Variants in PTPN3 observed in about 807,000 individuals in gnomAD.
PTPN3 encodes tyrosine-protein phosphatase non-receptor type 3.
PTPN3 carries 96 observed loss-of-function variants against 132.7 expected under a neutral mutation model. The observed-to-expected ratio is 0.72, with a 90% CI of 0.61 to 0.86. The LOEUF is 0.86. PTPN3 is among the 40% of genes least tolerant of loss of function. PTPN3 has a pLI of 0.00. For synonymous variants in PTPN3, 398 were observed against 429.0 expected (o/e 0.93, Z 0.89); for missense variants, 1,125 against 1,159.6 (o/e 0.97, Z 0.43).
intron 1 of PTPN3, among the ~76,000 whole-genome samples, chr9:109,489,232 A>T (rs1016428612): frequency 7.2e-5 from 11 of 152,188 alleles, no homozygotes; most frequent in African/African-American, 2.7e-4. Flanking sequence ...AGACTCTGCC[A>T]GTCCTTGTGG....
Position 109,473,619 on chromosome 9 carries a change from G to C in PTPN3, c.-17-10168C>G, listed in dbSNP as rs548828916. Reference sequence around the variant, plus strand: ...CCAATCTCTTAAGTGCCATGAGCTGGGTTTTCAGTGTTGTGATGAGAAGCT... The same window carrying C: ...CCAATCTCTTAAGTGCCATGAGCTGCGTTTTCAGTGTTGTGATGAGAAGCT... On this transcript the variant is annotated intron_variant, in intron 1 of 25. Coordinates refer to ENST00000374541, the MANE Select transcript of PTPN3 (RefSeq NM_002829.4). Among the ~76,000 whole-genome samples, 20 of 152,274 alleles carry C rather than the reference G, an allele frequency of 1.3e-4. No homozygotes were observed. In the East Asian group the frequency reaches 2.7e-3, roughly 21 times the overall value.
chr9:109,534,016 A>G, the PTPN3 span: 2 of 768,066 alleles, frequency 2.6e-6, no homozygotes, highest in Non-Finnish European at 4.8e-6. Flanking sequence ...CAGTCTCTCC[A>G]TTTCTACACT....
chr9:109,530,590 T>C, the PTPN3 span, among the ~76,000 whole-genome samples: 1 of 152,196 alleles, frequency 6.6e-6, no homozygotes, highest in Non-Finnish European at 1.5e-5. Context: ...AGTGGAATTG[T>C]TGGATCATAT....
the PTPN3 span, among the ~76,000 whole-genome samples, chr9:109,505,875 G>A: frequency 2.6e-5 from 4 of 151,500 alleles, no homozygotes; most frequent in Admixed American, 6.6e-5. Flanking sequence ...TCAGCCTCCC[G>A]AGTAGCTGGG....
rs1838591697 is a variant in PTPN3, at chr9:109,376,837, T to A, written c.*2719A>T. On this transcript the variant is annotated 3_prime_UTR_variant, in exon 26 of 26. Coordinates refer to ENST00000374541, the MANE Select transcript of PTPN3 (RefSeq NM_002829.4). ...GATTTACTTGAATTGTTTGCTCTTT[T>A]AGGTAATTCTCTTGTCTTGTTCTTC... The A allele has an allele frequency of 6.6e-6, 1 of 152,260 alleles. No homozygotes were observed. Among genetic ancestry groups the A allele is most frequent in the Non-Finnish European group, 1.5e-5 (1 of 68,052 alleles). The allele number at this position is 152,260 out of a possible 1,614,324, so 9.4% of individuals were successfully genotyped here.
In PTPN3 at chr9:109,484,068, T is replaced by A. The variant is rs142156710; in HGVS notation, c.-18+14151A>T. ...TCACTCTGTCGCGAGCTGCCATCTTTTGGTGCCTTTGACATCTACGCAGTG... is the reference window on the plus strand; with the variant it reads ...TCACTCTGTCGCGAGCTGCCATCTTATGGTGCCTTTGACATCTACGCAGTG... On this transcript the variant is annotated intron_variant, in intron 1 of 25. Coordinates refer to ENST00000374541, the MANE Select transcript of PTPN3 (RefSeq NM_002829.4). 7.9e-5 allele frequency among the ~76,000 whole-genome samples: 12 copies of A among 152,358 alleles called. No homozygotes were observed. The East Asian group carries it at 2.3e-3, about 29-fold the overall frequency.
chr9:109,468,511 C>T (rs1026249557), intron 1 of PTPN3, among the ~76,000 whole-genome samples: 4 of 152,048 alleles, frequency 2.6e-5, no homozygotes, highest in Non-Finnish European at 4.4e-5. Context: ...GGACTACAGG[C>T]GCCCGCCACC....
intron 1 of PTPN3, among the ~76,000 whole-genome samples, chr9:109,490,043 C>T (rs1354971841): frequency 2.0e-5 from 3 of 151,806 alleles, no homozygotes; most frequent in Non-Finnish European, 2.9e-5. Flanking sequence ...ATTAGCTGGG[C>T]GTGGTCGTGG....
At chr9:109,382,688 T>TGCCCAGTGATCTCCTCC (rs1474650334) in intron 23 of PTPN3, among the ~76,000 whole-genome samples, 1 of 151,346 alleles carries the variant, frequency 6.6e-6, no homozygotes, top group Non-Finnish European at 1.5e-5. Context: ...TGATCTCCTC[T>TGCCCAGTGATCTCCTCC]GCCCAGTGAT....
the PTPN3 span, chr9:109,533,513 C>T: frequency 6.3e-7 from 1 of 1,598,310 alleles, no homozygotes; most frequent in African/African-American, 1.3e-5. Context: ...TGGCTGCTGA[C>T]CTTGGGTCTC....
chr9:109,527,954 G>C, the PTPN3 span, among the ~76,000 whole-genome samples: 2 of 152,164 alleles, frequency 1.3e-5, no homozygotes, highest in Non-Finnish European at 2.9e-5. Flanking sequence ...GCAAAAAACT[G>C]TAAAGATTAC....
At chr9:109,521,215 G>C in the PTPN3 span, among the ~76,000 whole-genome samples, 1 of 152,114 alleles carries the variant, frequency 6.6e-6, no homozygotes, top group Non-Finnish European at 1.5e-5. Context: ...CTGGAGTGCA[G>C]TGGTGGAATC....
intron 5 of PTPN3, among the ~76,000 whole-genome samples, chr9:109,453,907 C>T (rs74717311): frequency 6.6e-6 from 1 of 151,322 alleles, no homozygotes; most frequent in South Asian, 2.1e-4. Context: ...CCTAGCTACT[C>T]GGGAGGCTGA....
intron 1 of PTPN3, among the ~76,000 whole-genome samples, chr9:109,494,215 T>C (rs1214697668): frequency 6.6e-6 from 1 of 152,170 alleles, no homozygotes; most frequent in Non-Finnish European, 1.5e-5. Flanking sequence ...CTCACGCCTA[T>C]ATCTCCACAC....
chr9:109,405,381 C>T (rs996514577), intron 18 of PTPN3, among the ~76,000 whole-genome samples: 2 of 152,256 alleles, frequency 1.3e-5, no homozygotes, highest in South Asian at 2.1e-4. Context: ...GTCAGCCAAA[C>T]GTGTGAGGCA....
At chr9:109,402,115 T>G (rs1215749755) in intron 19 of PTPN3, among the ~76,000 whole-genome samples, 1 of 152,112 alleles carries the variant, frequency 6.6e-6, no homozygotes, top group African/African-American at 2.4e-5. Context: ...AAACGACTTC[T>G]CACTGCCTTT....
intron 19 of PTPN3, among the ~76,000 whole-genome samples, chr9:109,396,672 AAG>A (rs1840622154): frequency 6.6e-6 from 1 of 152,228 alleles, no homozygotes; most frequent in Non-Finnish European, 1.5e-5. Flanking sequence ...AAGTTCGGCT[AAG>A]AGGGGTTGCT....
intron 22 of PTPN3, among the ~76,000 whole-genome samples, chr9:109,388,800 A>G (rs957709960): frequency 9.2e-5 from 14 of 152,190 alleles, no homozygotes; most frequent in African/African-American, 3.1e-4. Context: ...CTTTACAGGG[A>G]AGAGAAGGGC....
Position 109,457,371 on chromosome 9 carries a change from T to C in PTPN3, c.167A>G (p.Asp56Gly), listed in dbSNP as rs1475658796. The C allele has an allele frequency of 1.2e-6, 2 of 1,613,866 alleles. No homozygotes were observed. The highest frequency in any genetic ancestry group is 1.7e-6 in the Non-Finnish European group (2 of 1,180,008). The change falls in exon 3 of 26, where the codon GAT becomes GGT. Residue 56 changes from aspartate to glycine, a missense_variant. Coordinates refer to ENST00000374541, the MANE Select transcript of PTPN3 (RefSeq NM_002829.4). ...TKQDTGQVLL[D>G]MVHNHLGVTE... is the part of the protein sequence containing the mutation. Reference sequence around the variant, plus strand: ...CACACCCAGGTGGTTGTGCACCATATCCAGAAGAACCTGGCCAGTGTCTTG... The same window carrying C: ...CACACCCAGGTGGTTGTGCACCATACCCAGAAGAACCTGGCCAGTGTCTTG...
Sources: gnomAD v4.1 joint callset for allele counts (sites outside exome capture counted in the v4.1 genomes callset) on GRCh38, gnomAD v4.1.1 for gene constraint, MANE v1.5 for transcripts, NCBI Gene and HGNC (gene_info 2026-07-23, HGNC 2026-07-21) for gene names.